Variants in FOCAD observed in about 807,000 individuals in gnomAD.
The protein encoded by FOCAD is KIAA1797.
A neutral mutation model predicts 225.6 loss-of-function variants in FOCAD; 198 were observed. The observed-to-expected ratio is 0.88, with a 90% CI of 0.78 to 0.99. The LOEUF (loss-of-function observed/expected upper bound fraction) is 0.99. Ranked by LOEUF, FOCAD falls within the 50% of genes least tolerant of loss-of-function variation. The pLI, the probability that FOCAD is intolerant of heterozygous loss-of-function variation, is 0.00. For missense variants in FOCAD, 2,713 were observed against 2,123.6 expected (o/e 1.28, Z -5.46); for synonymous variants, 897 against 755.0 (o/e 1.19, Z -3.08).
chr9:20,802,172 T>C (rs1338262986), intron 11 of FOCAD, among the ~76,000 whole-genome samples: 1 of 152,144 alleles, frequency 6.6e-6, no homozygotes, highest in Non-Finnish European at 1.5e-5. Context: ...TTGATTGGAC[T>C]TTTGGAAGCT....
intron 15 of FOCAD, among the ~76,000 whole-genome samples, chr9:20,823,880 G>C (rs10757148): frequency 0.2 from 30,625 of 151,992 alleles, 3,387 homozygotes; most frequent in Non-Finnish European, 0.25. Context: ...CGTGTCCTTG[G>C]GCTAAGCACT....
chr9:20,669,678 G>A (rs1821998204), intron 2 of FOCAD, among the ~76,000 whole-genome samples: 1 of 152,166 alleles, frequency 6.6e-6, no homozygotes, highest in Non-Finnish European at 1.5e-5. Flanking sequence ...AGGAGGCTGA[G>A]GCATGAGAAT....
chr9:20,717,928 C>A, intron 3 of FOCAD, 60 bp downstream of exon 3: 1 of 1,281,846 alleles, frequency 7.8e-7, no homozygotes, highest in Non-Finnish European at 1.1e-6. Context: ...AGCTGGATCA[C>A]ATATGCACCT....
intron 5 of FOCAD, among the ~76,000 whole-genome samples, chr9:20,753,506 A>G (rs1208828083): frequency 6.6e-6 from 1 of 151,968 alleles, no homozygotes; most frequent in Admixed American, 6.6e-5. Context: ...CCCAGGGATG[A>G]AGCCCACTTG....
chr9:20,778,089 C>CAAAAAAAAAAAAAA (rs1184354592), intron 8 of FOCAD, among the ~76,000 whole-genome samples: 2 of 84,190 alleles, frequency 2.4e-5, no homozygotes, highest in African/African-American at 4.4e-5. Context: ...GACTCCGTCT[C>CAAAAAAAAAAAAAA]AAAAAAAAAA....
At chr9:20,781,131 C>G (rs1350192023) in intron 9 of FOCAD, among the ~76,000 whole-genome samples, 1 of 152,094 alleles carries the variant, frequency 6.6e-6, no homozygotes, top group Non-Finnish European at 1.5e-5. Flanking sequence ...TCTAGAGACT[C>G]TACATGTAAA....
intron 1 of FOCAD, among the ~76,000 whole-genome samples, chr9:20,712,929 C>T (rs1030795657): frequency 1.6e-4 from 24 of 151,876 alleles, no homozygotes; most frequent in African/African-American, 4.6e-4. Flanking sequence ...GACAGGGTTT[C>T]GCCATGTTGG....
intron 11 of FOCAD, among the ~76,000 whole-genome samples, chr9:20,798,728 T>G (rs1821425192): frequency 6.6e-6 from 1 of 152,146 alleles, no homozygotes; most frequent in South Asian, 2.1e-4. Flanking sequence ...TCTATTTGAT[T>G]CTTCTCTCTT....
At chr9:20,859,245 G>T (rs1828527722) in intron 15 of FOCAD, among the ~76,000 whole-genome samples, 1 of 152,030 alleles carries the variant, frequency 6.6e-6, no homozygotes, top group Admixed American at 6.6e-5. Flanking sequence ...ATCTGGGTGT[G>T]GTGGTGCATG....
chr9:20,685,196 A>ATTTTTTTT (rs397959541), intron 1 of FOCAD, among the ~76,000 whole-genome samples: 16,737 of 141,592 alleles, frequency 0.12, 996 homozygotes, highest in Non-Finnish European at 0.17. Context: ...TGAGTTGGAA[A>ATTTTTTTT]TTTTTTTTTT....
chr9:20,800,880 G>A (rs943225080), intron 11 of FOCAD, among the ~76,000 whole-genome samples: 1 of 152,126 alleles, frequency 6.6e-6, no homozygotes, highest in Non-Finnish European at 1.5e-5. Flanking sequence ...GCTTTGTTCT[G>A]TTGCTGGTGA....
At chr9:20,975,853 T>C (rs1363853610) in intron 35 of FOCAD, among the ~76,000 whole-genome samples, 1 of 152,098 alleles carries the variant, frequency 6.6e-6, no homozygotes, top group African/African-American at 2.4e-5. Context: ...CCAAAGAAAG[T>C]TGATCTTATA....
intron 21 of FOCAD, among the ~76,000 whole-genome samples, chr9:20,897,536 C>T (rs1177813607): frequency 6.6e-6 from 1 of 150,482 alleles, no homozygotes; most frequent in Non-Finnish European, 1.5e-5. Flanking sequence ...AGTTATGTTT[C>T]TCTTTTTACT....
rs976399876 is a variant in FOCAD, at chr9:20,976,182, C to T, written c.4133-238C>T. The T allele has an allele frequency of 3.2e-5, 7 of 217,254 alleles. No homozygotes were observed. The South Asian group carries it at 5.4e-4, about 17-fold the overall frequency. 13.5% of individuals were successfully genotyped at this position (217,254 alleles called of 1,614,324 possible). A position where few individuals can be genotyped will look rare whatever the true frequency, so the allele number is the denominator to read the frequency against. On this transcript the variant is annotated intron_variant, in intron 35 of 43. Transcript: ENST00000338382. Reference sequence around the variant, plus strand: ...TCACTCTATACCCCATAAATATATACAGTTATTATATATTATTGAAAAATT... The same window carrying T: ...TCACTCTATACCCCATAAATATATATAGTTATTATATATTATTGAAAAATT...
At chr9:20,813,839 C>T (rs1823351266) in intron 11 of FOCAD, among the ~76,000 whole-genome samples, 1 of 152,168 alleles carries the variant, frequency 6.6e-6, no homozygotes, top group Non-Finnish European at 1.5e-5. Flanking sequence ...AAATCATCTA[C>T]TATTACTGTA....
At position 20,866,978 on chromosome 9, in the gene FOCAD, CAGG is replaced by C; in HGVS notation, c.2159_2161del (p.Gly720del). 3 of 1,470,540 alleles carry C rather than the reference CAGG, an allele frequency of 2.0e-6. No individual in the cohort carries two copies. Among genetic ancestry groups the C allele is most frequent in the Non-Finnish European group, 2.7e-6 (3 of 1,095,578 alleles). The allele number at this position is 1,470,540 out of a possible 1,614,324, so 91.1% of individuals were successfully genotyped here. A position where few individuals can be genotyped will look rare whatever the true frequency, so the allele number is the denominator to read the frequency against. ...TATAGATCCCTGGCCAACTTTAGTG[CAGG>C]AGAACACACCATTCTTCATCTGCCT... On this transcript the variant is annotated inframe_deletion, in exon 18 of 44. Transcript: ENST00000338382.
rs772294931 is a variant in FOCAD, at chr9:20,761,632, G to C, written c.495-3237G>C. Among the ~76,000 whole-genome samples the C allele has an allele frequency of 5.1e-4, 77 of 152,122 alleles. No individual in the cohort carries two copies. The Middle Eastern group carries it at 0.014, about 27-fold the overall frequency. On this transcript the variant is annotated intron_variant, in intron 6 of 43. Transcript: ENST00000338382. Reference sequence around the variant, plus strand: ...AGATGAGGTTTCACTGTGTTAGCTAGGATGGTCTCAATATCCTGACCTCAT... The same window carrying C: ...AGATGAGGTTTCACTGTGTTAGCTACGATGGTCTCAATATCCTGACCTCAT...
intron 8 of FOCAD, among the ~76,000 whole-genome samples, chr9:20,770,532 C>G (rs1264362321): frequency 6.6e-6 from 1 of 152,174 alleles, no homozygotes; most frequent in East Asian, 1.9e-4. Flanking sequence ...AAGAACAGCA[C>G]CAGGAGGATT....
At chr9:20,764,451 A>T (rs1829884612) in intron 6 of FOCAD, among the ~76,000 whole-genome samples, 1 of 152,114 alleles carries the variant, frequency 6.6e-6, no homozygotes, top group African/African-American at 2.4e-5. Context: ...ACAGTGTTTC[A>T]CCATGTTGGC....
Sources: allele counts gnomAD v4.1 joint callset (sites outside exome capture counted in the v4.1 genomes callset), GRCh38; gene constraint gnomAD v4.1.1; transcripts MANE v1.5; gene names NCBI Gene and HGNC (gene_info 2026-07-23, HGNC 2026-07-21).